The following HAUS4 variants were observed in gnomAD, a reference collection of about 807,000 sequenced individuals.
HAUS4 encodes the protein HAUS augmin-like complex subunit 4.
In HAUS4, 34 loss-of-function variants were observed where a neutral mutation model predicts 50.6. That is an observed-to-expected ratio of 0.67 (90% confidence interval 0.51 to 0.90). HAUS4 has a LOEUF of 0.90. Among genes scored for constraint, HAUS4 ranks in the 40% least tolerant of loss-of-function variants. The pLI is 0.00. For synonymous variants in HAUS4, 149 were observed against 161.4 expected (o/e 0.92, Z 0.58); for missense variants, 370 against 428.7 (o/e 0.86, Z 1.21).
chr14:22,947,751 A>G lies in HAUS4; in HGVS notation c.709-20T>C. The G allele has an allele frequency of 6.2e-7, 1 of 1,613,730 alleles. No homozygotes were observed. The highest frequency in any genetic ancestry group is 2.2e-5 in the East Asian group (1 of 44,878). On this transcript the variant is annotated intron_variant, in intron 7 of 9. Coordinates refer to ENST00000541587, the MANE Select transcript of HAUS4 (RefSeq NM_001166269.2). ...AAGCACCTGAGCCCAAGATGGAGGA[A>G]GAAGAGGGCATAAATAAAGATAGTA...
intron 6 of HAUS4, among the ~76,000 whole-genome samples, chr14:22,948,745 C>T (rs534061521): frequency 6.6e-6 from 1 of 152,036 alleles, no homozygotes; most frequent in South Asian, 2.1e-4. Flanking sequence ...CTATATTGGC[C>T]AGGTTGGTCT....
intron 2 of HAUS4, chr14:22,954,467 T>G (rs927522679): frequency 2.4e-4 from 36 of 152,266 alleles, no homozygotes; most frequent in African/African-American, 8.7e-4. Flanking sequence ...GACTAAGATA[T>G]GAGAATATTT....
intron 6 of HAUS4, among the ~76,000 whole-genome samples, chr14:22,949,340 T>C (rs570718338): frequency 6.4e-4 from 97 of 151,522 alleles, no homozygotes; most frequent in Non-Finnish European, 9.6e-4. Flanking sequence ...CCATCCTGGC[T>C]AACACGGTGA....
Position 22,951,607 on chromosome 14 carries a change from G to T in HAUS4, c.413C>A (p.Pro138Gln). The T allele has an allele frequency of 6.2e-7, 1 of 1,614,056 alleles. No homozygotes were observed. Among genetic ancestry groups the T allele is most frequent in the South Asian group, 1.1e-5 (1 of 91,084 alleles). The change falls in exon 5 of 10, where the codon CCA becomes CAA. Residue 138 changes from proline (P) to glutamine (Q), a missense_variant. Transcript: ENST00000541587. ...GTCCGCTTTCTCCAGCCCCAGCAGT[G>T]GAGGTATCTCCCTCTCCTGGCTAGG... ...LGPSQEREIP[P>Q]LLGLEKADLL...
In HAUS4 at chr14:22,946,593, T is replaced by C. The variant is rs767978772; in HGVS notation, c.1024A>G (p.Thr342Ala). Residue 342 changes from threonine (T) to alanine (A), a missense_variant, in exon 10 of 10, where the codon ACC (threonine) becomes GCC (alanine). Thr to Ala is a moderately conservative substitution (Grantham distance 58). Coordinates refer to ENST00000541587, the MANE Select transcript of HAUS4 (RefSeq NM_001166269.2). ...EEFDRLVKEYTVLKQATENKR... is the reference protein window; with the variant it reads ...EEFDRLVKEYAVLKQATENKR... Reference sequence around the variant, plus strand: ...TTCTCTGTTGCCTGCTTGAGTACGGTGTACTCTTTCACCAGCCTGTCAAAC... The same window carrying C: ...TTCTCTGTTGCCTGCTTGAGTACGGCGTACTCTTTCACCAGCCTGTCAAAC... 1 of 1,613,684 alleles carries C rather than the reference T, an allele frequency of 6.2e-7. No individual in the cohort carries two copies. The highest frequency in any genetic ancestry group is 8.5e-7 in the Non-Finnish European group (1 of 1,179,636).
At chr14:22,948,921 A>C (rs2044696301) in intron 6 of HAUS4, among the ~76,000 whole-genome samples, 1 of 151,918 alleles carries the variant, frequency 6.6e-6, no homozygotes. Flanking sequence ...TTGGGAGGCC[A>C]AGGCGGGCAG....
At chr14:22,956,085 T>G (rs1488233210) in intron 1 of HAUS4, among the ~76,000 whole-genome samples, 1 of 152,218 alleles carries the variant, frequency 6.6e-6, no homozygotes, top group Non-Finnish European at 1.5e-5. Flanking sequence ...TAACGCTTCA[T>G]GTTTATAGAA....
Position 22,946,429 on chromosome 14 carries a change from G to T in HAUS4, c.*96C>A. On this transcript the variant is annotated 3_prime_UTR_variant, in exon 10 of 10. Coordinates refer to ENST00000541587, the MANE Select transcript of HAUS4 (RefSeq NM_001166269.2). ...AGCGTAAGCATTTCCACACTCCCTTGTACTGAAGGCAGCCCCAGGTGAAGG... is the reference window on the plus strand; with the variant it reads ...AGCGTAAGCATTTCCACACTCCCTTTTACTGAAGGCAGCCCCAGGTGAAGG... 1.1e-6 allele frequency: 1 copy of T among 915,168 alleles called. No homozygotes were observed. Among genetic ancestry groups the T allele is most frequent in the Non-Finnish European group, 1.7e-6 (1 of 599,614 alleles). 56.7% of individuals were successfully genotyped at this position (915,168 alleles called of 1,614,324 possible).
intron 2 of HAUS4, 103 bp from the exon 3 acceptor site, chr14:22,952,786 T>G: frequency 1.1e-6 from 1 of 904,076 alleles, no homozygotes; most frequent in South Asian, 2.4e-5. Context: ...CCCTAGGATT[T>G]TTATAGGAAA....
chr14:22,950,270 A>T, intron 6 of HAUS4, 44 bp downstream of exon 6: 1 of 1,063,628 alleles, frequency 9.4e-7, no homozygotes, highest in Non-Finnish European at 1.5e-6. Context: ...CAGACCAGGA[A>T]CCCTGAAGTC....
intron 4 of HAUS4, among the ~76,000 whole-genome samples, chr14:22,951,898 C>T (rs2044759855): frequency 6.6e-6 from 1 of 152,208 alleles, no homozygotes; most frequent in Non-Finnish European, 1.5e-5. Context: ...TAACTACAGT[C>T]CATTTCTCTT....
chr14:22,954,994 G>A (rs2044832855), intron 2 of HAUS4, 106 bp downstream of exon 2: 2 of 842,292 alleles, frequency 2.4e-6, no homozygotes, highest in Non-Finnish European at 4.1e-6. Flanking sequence ...CAAAGTGCTG[G>A]GATTACAGGT....
rs368926217 is a variant in HAUS4, at chr14:22,947,635, C to T, written c.805G>A (p.Glu269Lys). The change falls in exon 8 of 10, where the codon GAA (glutamate) becomes AAA (lysine). Residue 269 changes from glutamate (E) to lysine (K), a missense_variant. Coordinates refer to ENST00000541587, the MANE Select transcript of HAUS4 (RefSeq NM_001166269.2). The part of the protein sequence containing the change: ...ELDRINAQYL[E>K]VKCGAMILKL... ...AGGATCATAGCACCGCACTTGACTT[C>T]CAGGTACTGGGCATTGATGCGGTCT... 1.9e-6 allele frequency: 3 copies of T among 1,614,042 alleles called. No homozygotes were observed. The African/African-American group carries it at 4.0e-5, about 22-fold the overall frequency.
chr14:22,949,309 C>G (rs1019087412), intron 6 of HAUS4, among the ~76,000 whole-genome samples: 1 of 151,894 alleles, frequency 6.6e-6, no homozygotes, highest in African/African-American at 2.4e-5. Flanking sequence ...GTGGGTAGAT[C>G]ATGAGGTCAG....
Position 22,952,456 on chromosome 14 carries a change from A to G in HAUS4, c.202T>C (p.Trp68Arg), listed in dbSNP as rs1019846447. Residue 68 changes from tryptophan (W) to arginine (R), a missense_variant, in exon 4 of 10, where the codon TGG (tryptophan) becomes CGG (arginine). Transcript: ENST00000541587. The stretch of plus-strand genomic sequence containing the variant: ...GTCTTATGCAGTCGAACTTCCTTCC[A>G]TGCCTAGAAATCCAAAAAATCTCAG... ...LTLAKEQAQAWKEVRLHKTTW... is the reference protein window; with the variant it reads ...LTLAKEQAQARKEVRLHKTTW... The G allele has an allele frequency of 1.2e-6, 2 of 1,614,040 alleles. No homozygotes were observed. Among genetic ancestry groups the G allele is most frequent in the Non-Finnish European group, 1.7e-6 (2 of 1,179,970 alleles).
At chr14:22,952,218 A>G (rs536486081) in intron 4 of HAUS4, 110 bp downstream of exon 4, 494 of 812,534 alleles carry the variant, frequency 6.1e-4, no homozygotes, top group Non-Finnish European at 9.1e-4. Flanking sequence ...GGGTCTTACC[A>G]TGTTGGCCAG....
chr14:22,948,839 C>G (rs2044695067), intron 6 of HAUS4, among the ~76,000 whole-genome samples: 1 of 152,042 alleles, frequency 6.6e-6, no homozygotes, highest in African/African-American at 2.4e-5. Context: ...CCGGCCCGGA[C>G]CTTAATTCTT....
At position 22,946,671 on chromosome 14, in the gene HAUS4, C is replaced by T. The variant is rs1679986731; in HGVS notation, c.946G>A (p.Asp316Asn). 1.2e-6 allele frequency: 2 copies of T among 1,613,594 alleles called. No homozygotes were observed. The highest frequency in any genetic ancestry group is 1.7e-6 in the Non-Finnish European group (2 of 1,179,706). The change falls in exon 10 of 10, where the codon GAC (aspartate) becomes AAC (asparagine). Residue 316 changes from aspartate to asparagine, a missense_variant. Coordinates refer to ENST00000541587, the MANE Select transcript of HAUS4 (RefSeq NM_001166269.2). ...AGGACCTGTCTTGAGTTCTCCATGT[C>T]CTGCTCCTGTAGGTGAATGGCTCCC... is the stretch of plus-strand genomic sequence containing the variant. Reference protein sequence around the residue: ...LEGAIHLQEQDMENSRQVLNS... With the variant: ...LEGAIHLQEQNMENSRQVLNS...
intron 6 of HAUS4, chr14:22,948,258 G>A (rs943253806): frequency 8.4e-6 from 4 of 477,496 alleles, no homozygotes; most frequent in Non-Finnish European, 1.1e-5. Context: ...AGACCGGCTT[G>A]GGCAACATAG....
Sources: gnomAD v4.1 joint callset for allele counts (sites outside exome capture counted in the v4.1 genomes callset) on GRCh38, gnomAD v4.1.1 for gene constraint, MANE v1.5 for transcripts, NCBI Gene and HGNC (gene_info 2026-07-23, HGNC 2026-07-21) for gene names.